Variants in STAT5B observed in about 807,000 individuals in gnomAD.
The protein encoded by STAT5B is signal transducer and activator of transcription 5B, also known as transcription factor STAT5B.
STAT5B carries 21 observed loss-of-function variants against 107.8 expected under a neutral mutation model. The observed-to-expected ratio is 0.19, with a 90% CI of 0.14 to 0.28. STAT5B has a LOEUF of 0.28. Ranked by LOEUF, STAT5B falls within the 10% of genes least tolerant of loss-of-function variation. STAT5B has a pLI of 1.00. For synonymous variants in STAT5B, 325 were observed against 401.7 expected (o/e 0.81, Z 2.28); for missense variants, 565 against 1,008.2 (o/e 0.56, Z 5.95).
chr17:42,262,966 GTGTGTATATATA>G (rs1160185768), intron 1 of STAT5B, among the ~76,000 whole-genome samples: 10 of 38,744 alleles, frequency 2.6e-4, no homozygotes, highest in South Asian at 1.1e-3. Context: ...GTGTGTGTGT[GTGTGTATATATA>G]TATATATATA....
intron 8 of STAT5B, 62 bp from the exon 9 acceptor site, chr17:42,218,392 T>A (rs1424874011): frequency 6.4e-7 from 1 of 1,572,228 alleles, no homozygotes; most frequent in African/African-American, 1.4e-5. Context: ...GGGCTCTCAG[T>A]CCCTCTGTGG....
intron 5 of STAT5B, 138 bp downstream of exon 5, chr17:42,223,244 G>T: frequency 7.7e-7 from 1 of 1,296,674 alleles, no homozygotes; most frequent in Non-Finnish European, 1.1e-6. Flanking sequence ...TGTCTTCAAT[G>T]CAAATAAGTC....
At chr17:42,263,871 GCA>G (rs3222522) in intron 1 of STAT5B, among the ~76,000 whole-genome samples, 17,174 of 144,864 alleles carry the variant, frequency 0.12, 954 homozygotes, top group African/African-American at 0.17. Flanking sequence ...TAGAAAGCGC[GCA>G]CACACACACA....
In STAT5B at chr17:42,262,774, A is replaced by G. The variant is rs565270519; in HGVS notation, c.-11+13474T>C. Among the ~76,000 whole-genome samples, 135 of 134,850 alleles carry G rather than the reference A, an allele frequency of 1.0e-3. 2 individuals carry two copies. Among genetic ancestry groups the G allele is most frequent in the Admixed American group, 2.7e-3 (37 of 13,466 alleles). The allele number at this position is 134,850 out of a possible 152,430, so 88.5% of individuals were successfully genotyped here. On this transcript the variant is annotated intron_variant, in intron 1 of 18. Coordinates refer to ENST00000293328, the MANE Select transcript of STAT5B (RefSeq NM_012448.4). ...TATATGTGTGTATATATATACATAT[A>G]TGTATATATATACACATATATATGT... is the stretch of plus-strand genomic sequence containing the variant.
chr17:42,213,500 C>T (rs1031677568), intron 12 of STAT5B, among the ~76,000 whole-genome samples: 1 of 151,856 alleles, frequency 6.6e-6, no homozygotes, highest in Non-Finnish European at 1.5e-5. Context: ...AACCACTGTG[C>T]CTGGCCACAA....
In STAT5B at chr17:42,262,798, GTGTGTATATATACACACATATATA is replaced by G. The variant is rs1425353147; in HGVS notation, c.-11+13426_-11+13449del. Among the ~76,000 whole-genome samples the G allele has an allele frequency of 6.1e-4, 63 of 103,576 alleles. 1 individual carries two copies. The highest frequency in any genetic ancestry group is 1.6e-3 in the Admixed American group (18 of 11,458). 67.9% of individuals were successfully genotyped at this position (103,576 alleles called of 152,430 possible). A position where few individuals can be genotyped will look rare whatever the true frequency, so the allele number is the denominator to read the frequency against. Reference sequence around the variant, plus strand: ...TATGTATATATATACACATATATATGTGTGTATATATACACACATATATATGTGTATATATACACACATATATAT... The same window carrying G: ...TATGTATATATATACACATATATATGTGTGTATATATACACACATATATAT... On this transcript the variant is annotated intron_variant, in intron 1 of 18. Coordinates refer to ENST00000293328, the MANE Select transcript of STAT5B (RefSeq NM_012448.4).
the STAT5B span, among the ~76,000 whole-genome samples, chr17:42,284,324 C>T: frequency 6.6e-6 from 1 of 151,428 alleles, no homozygotes. Flanking sequence ...TGGAGTGCAA[C>T]GGCGTGATCT....
At chr17:42,269,166 T>C (rs1454635167) in intron 1 of STAT5B, among the ~76,000 whole-genome samples, 1 of 152,130 alleles carries the variant, frequency 6.6e-6, no homozygotes, top group Non-Finnish European at 1.5e-5. Context: ...CTCTGCCTCC[T>C]GGGTTCAAGT....
chr17:42,223,641 A>C, intron 4 of STAT5B, 85 bp from the exon 5 acceptor site: 1 of 1,548,192 alleles, frequency 6.5e-7, no homozygotes, highest in Non-Finnish European at 8.8e-7. Flanking sequence ...CAGCTCCTAC[A>C]ACCAGGGTAA....
intron 1 of STAT5B, chr17:42,268,780 A>G (rs2080696450): frequency 6.6e-6 from 1 of 152,170 alleles, no homozygotes; most frequent in Non-Finnish European, 1.5e-5. Flanking sequence ...ACTTTTCCTA[A>G]ACCTAAAAGA....
At chr17:42,219,186 C>T in intron 7 of STAT5B, 126 bp downstream of exon 7, 1 of 1,390,786 alleles carries the variant, frequency 7.2e-7, no homozygotes, top group Middle Eastern at 2.6e-4. Flanking sequence ...AACCAGGCTC[C>T]CTGGAGAAAC....
intron 2 of STAT5B, among the ~76,000 whole-genome samples, chr17:42,228,083 CA>C (rs138304048): frequency 0.018 from 2,790 of 152,228 alleles, 82 homozygotes; most frequent in African/African-American, 0.064. Context: ...AAAGGAGGCA[CA>C]AGGCCAAGAC....
At chr17:42,269,218 C>T (rs905606386) in intron 1 of STAT5B, among the ~76,000 whole-genome samples, 12 of 152,204 alleles carry the variant, frequency 7.9e-5, no homozygotes, top group South Asian at 2.1e-4. Context: ...GGATTACAGG[C>T]GTGCACCACC....
chr17:42,244,104 TTG>T (rs1345674148), intron 1 of STAT5B, among the ~76,000 whole-genome samples: 2 of 151,600 alleles, frequency 1.3e-5, no homozygotes, highest in African/African-American at 2.4e-5. Flanking sequence ...TTTTTTTTTT[TTG>T]AGACAGGGTC....
intron 1 of STAT5B, chr17:42,270,500 T>G (rs894059755): frequency 2.0e-5 from 3 of 152,160 alleles, no homozygotes; most frequent in Non-Finnish European, 4.4e-5. Flanking sequence ...GGAAGAAGAA[T>G]GAAAGACAAC....
rs370450872 is a variant in STAT5B, at chr17:42,233,616, G to A, written c.-10-1479C>T. Reference sequence around the variant, plus strand: ...CGCCATTCTCCTGCCTCAGCCTCCCGAGTGGCTGGGACTACAGGCGCCCGC... The same window carrying A: ...CGCCATTCTCCTGCCTCAGCCTCCCAAGTGGCTGGGACTACAGGCGCCCGC... On this transcript the variant is annotated intron_variant, in intron 1 of 18. Coordinates refer to ENST00000293328, the MANE Select transcript of STAT5B (RefSeq NM_012448.4). Among the ~76,000 whole-genome samples the A allele has an allele frequency of 2.2e-4, 34 of 151,324 alleles. No individual in the cohort carries two copies. In the East Asian group the frequency reaches 5.3e-3, roughly 24 times the overall value.
At chr17:42,280,329 T>C (rs1394471698), upstream of STAT5B, among the ~76,000 whole-genome samples, 1 of 151,908 alleles carries the variant, frequency 6.6e-6, no homozygotes, top group East Asian at 1.9e-4. Flanking sequence ...TACAGCCTCC[T>C]CCCCTCTCTC....
At chr17:42,240,609 A>G (rs2080393931) in intron 1 of STAT5B, among the ~76,000 whole-genome samples, 1 of 152,142 alleles carries the variant, frequency 6.6e-6, no homozygotes, top group South Asian at 2.1e-4. Flanking sequence ...CAAAGGGTGA[A>G]TTTTATAGTG....
At chr17:42,250,013 C>A (rs972762804) in intron 1 of STAT5B, among the ~76,000 whole-genome samples, 1 of 152,154 alleles carries the variant, frequency 6.6e-6, no homozygotes, top group African/African-American at 2.4e-5. Flanking sequence ...CCTACGCATT[C>A]AATCTTCCCA....
Sources: gnomAD v4.1 joint callset for allele counts (sites outside exome capture counted in the v4.1 genomes callset) on GRCh38, gnomAD v4.1.1 for gene constraint, MANE v1.5 for transcripts, NCBI Gene and HGNC (gene_info 2026-07-23, HGNC 2026-07-21) for gene names.